The following SHANK1 variants were observed in gnomAD, a reference collection of about 807,000 sequenced individuals.
The protein encoded by SHANK1 is SH3 and multiple ankyrin repeat domains protein 1.
Under a neutral mutation model 165.6 loss-of-function variants are expected in SHANK1, and 35 were observed. The observed-to-expected ratio is 0.21, with a 90% confidence interval of 0.16 to 0.28. The LOEUF (loss-of-function observed/expected upper bound fraction) is 0.28, where lower values mean the gene tolerates loss of function less well. SHANK1 is among the 10% of genes least tolerant of loss of function. SHANK1 has a pLI of 1.00. For synonymous variants in SHANK1, 1,428 were observed against 1,384.8 expected (o/e 1.03, Z -0.69); for missense variants, 2,681 against 3,036.4 (o/e 0.88, Z 2.75).
intron 8 of SHANK1, among the ~76,000 whole-genome samples, chr19:50,705,993 C>T (rs2088934652): frequency 6.6e-6 from 1 of 152,170 alleles, no homozygotes; most frequent in Admixed American, 6.5e-5. Context: ...CCCGTCTGTA[C>T]AGAAAATTTT....
intron 23 of SHANK1, among the ~76,000 whole-genome samples, chr19:50,663,663 G>A (rs1430726941): frequency 1.3e-5 from 2 of 151,288 alleles, no homozygotes; most frequent in Non-Finnish European, 2.9e-5. Context: ...AGGGCACTCT[G>A]CACACATAGG....
chr19:50,662,750 A>C lies in SHANK1; in HGVS notation c.5769-68T>G. 1 of 1,528,716 alleles carries C rather than the reference A, an allele frequency of 6.5e-7. No individual in the cohort carries two copies. Among genetic ancestry groups the C allele is most frequent in the South Asian group, 1.2e-5 (1 of 82,890 alleles). 94.7% of individuals were successfully genotyped at this position (1,528,716 alleles called of 1,614,324 possible). A position where few individuals can be genotyped will look rare whatever the true frequency, so the allele number is the denominator to read the frequency against. ...GGGGGCAAGGGCAGGGGTGAGAAAG[A>C]GGCAGAGGTCAAGATATAGGGAGAG... is the stretch of plus-strand genomic sequence containing the variant. On this transcript the variant is annotated intron_variant, in intron 23 of 23. Coordinates refer to ENST00000293441, the MANE Select transcript of SHANK1 (RefSeq NM_016148.5). This position sits in a 1 kb window ranked among gnomAD's most constrained non-coding sequence, Gnocchi z 7.7.
chr19:50,715,759 G>A, intron 3 of SHANK1, 29 bp from the exon 4 acceptor site: 1 of 1,599,390 alleles, frequency 6.3e-7, no homozygotes. Flanking sequence ...TAGTGAGAGA[G>A]ACACAGAGAC....
chr19:50,703,783 G>A lies in SHANK1; in HGVS notation c.1270C>T (p.Pro424Ser). ...GGGGGCACCGTCAGCCCTGTGCCTGGGGGCCCCCGTCGCCGGGCCGCGTAC... is the reference window on the plus strand; with the variant it reads ...GGGGGCACCGTCAGCCCTGTGCCTGAGGGCCCCCGTCGCCGGGCCGCGTAC... The part of the protein sequence containing the change: ...PKYAARRRGP[P>S]GTGLTVPPAL... The change falls in exon 11 of 24, where the codon CCA becomes TCA. Residue 424 changes from proline (P) to serine (S), a missense_variant. Transcript: ENST00000293441. 7.0e-7 allele frequency: 1 copy of A among 1,429,682 alleles called. No individual in the cohort carries two copies. Among genetic ancestry groups the A allele is most frequent in the Non-Finnish European group, 9.1e-7 (1 of 1,096,488 alleles). The allele number at this position is 1,429,682 out of a possible 1,614,324, so 88.6% of individuals were successfully genotyped here.
At chr19:50,681,236 GA>G (rs1351597754) in intron 21 of SHANK1, among the ~76,000 whole-genome samples, 1 of 152,122 alleles carries the variant, frequency 6.6e-6, no homozygotes, top group African/African-American at 2.4e-5. Flanking sequence ...AAGGAGCAGA[GA>G]AGGCGGCAGA....
chr19:50,669,301 G>C lies in SHANK1; in HGVS notation c.2675-16C>G. On this transcript the variant is annotated splice_polypyrimidine_tract_variant and intron_variant, in intron 22 of 23. Coordinates refer to ENST00000293441, the MANE Select transcript of SHANK1 (RefSeq NM_016148.5). ...TCTGCCGCACCTGGGGAGATACAGAGGCTCAAGGAGGGGGACCCTGGCGGG... is the reference window on the plus strand; with the variant it reads ...TCTGCCGCACCTGGGGAGATACAGACGCTCAAGGAGGGGGACCCTGGCGGG... 1.9e-6 allele frequency: 3 copies of C among 1,580,318 alleles called. No homozygotes were observed. The highest frequency in any genetic ancestry group is 2.6e-6 in the Non-Finnish European group (3 of 1,155,174).
intron 11 of SHANK1, among the ~76,000 whole-genome samples, chr19:50,703,103 ACCCCGGAATGT>A (rs1184033027): frequency 6.7e-6 from 1 of 148,694 alleles, no homozygotes; most frequent in Non-Finnish European, 1.5e-5. Flanking sequence ...GGGCTTCCTG[ACCCCGGAATGT>A]CCCCCGCCCC....
At chr19:50,709,170 G>A (rs555440225) in intron 8 of SHANK1, among the ~76,000 whole-genome samples, 6 of 152,272 alleles carry the variant, frequency 3.9e-5, no homozygotes, top group Non-Finnish European at 8.8e-5. Context: ...ACGGAGTCTC[G>A]CTCTATCACC....
rs1986499089 is a variant in SHANK1 at position 50,690,229 on chromosome 19, G to A, written c.1965-950C>T. 6.6e-6 allele frequency among the ~76,000 whole-genome samples: 1 copy of A among 152,072 alleles called. No individual in the cohort carries two copies. The highest frequency in any genetic ancestry group is 1.5e-5 in the Non-Finnish European group (1 of 68,006). On this transcript the variant is annotated intron_variant, in intron 15 of 23. Coordinates refer to ENST00000293441, the MANE Select transcript of SHANK1 (RefSeq NM_016148.5). This position sits in a 1 kb window ranked among gnomAD's most constrained non-coding sequence, Gnocchi z 4.9. The stretch of plus-strand genomic sequence containing the variant: ...CCATGAATATGGGTGGTAGTTTCCA[G>A]TAAAGCCATCAAATGCCACCAGCAC...
chr19:50,695,956 C>T (rs981775565), intron 15 of SHANK1, among the ~76,000 whole-genome samples: 21 of 152,122 alleles, frequency 1.4e-4, no homozygotes, highest in South Asian at 8.3e-4. Flanking sequence ...GGGGTTGGGC[C>T]CTGGCTGCCG....
At chr19:50,692,269 C>A (rs1270154890) in intron 15 of SHANK1, among the ~76,000 whole-genome samples, 1 of 151,922 alleles carries the variant, frequency 6.6e-6, no homozygotes, top group East Asian at 1.9e-4. Context: ...GAATGCCAGC[C>A]ATGATTCCAA....
In SHANK1 at chr19:50,689,244, T is replaced by C. The variant is rs778094486; in HGVS notation, c.2000A>G (p.Gln667Arg). ...CCCAAACCCCTCACTGTCCTTCTTC[T>C]GCAGCAAGACTGTCTTCTCCTTAAT... ...YIIKEKTVLL[Q>R]KKDSEGFGFV... The change falls in exon 16 of 24, where the codon CAG becomes CGG. Residue 667 changes from glutamine to arginine, a missense_variant. This residue lies in a region of SHANK1 where 147 missense variants were observed against 256.5 expected (regional missense o/e 0.57). Coordinates refer to ENST00000293441, the MANE Select transcript of SHANK1 (RefSeq NM_016148.5). The C allele has an allele frequency of 2.5e-6, 4 of 1,610,414 alleles. No individual in the cohort carries two copies. In the East Asian group the frequency reaches 9.0e-5, roughly 36 times the overall value.
At chr19:50,689,034 G>T in intron 16 of SHANK1, 66 bp from the exon 17 acceptor site, 1 of 1,273,448 alleles carries the variant, frequency 7.9e-7, no homozygotes. Flanking sequence ...AGGGGATGGG[G>T]CTCAGACCCA....
In SHANK1 at chr19:50,661,795, T is replaced by G. The variant is rs1854994575; in HGVS notation, c.*170A>C. 1 of 661,294 alleles carries G rather than the reference T, an allele frequency of 1.5e-6. No individual in the cohort carries two copies. 41.0% of individuals were successfully genotyped at this position (661,294 alleles called of 1,614,324 possible). ...GCCCCCCTTCAGTGAGGTGCAAATG[T>G]CCGGCCTGGATTGGGCCACCTGGTG... On this transcript the variant is annotated 3_prime_UTR_variant, in exon 24 of 24. Transcript: ENST00000293441.
Position 50,662,442 on chromosome 19 carries a change from C to T in SHANK1, c.6009G>A (p.Leu2003=). 1 of 1,552,868 alleles carries T rather than the reference C, an allele frequency of 6.4e-7. No individual in the cohort carries two copies. The highest frequency in any genetic ancestry group is 8.7e-7 in the Non-Finnish European group (1 of 1,149,950). Residue 2003 remains leucine (L), a synonymous_variant, in exon 24 of 24, where the codon CTG becomes CTA. Coordinates refer to ENST00000293441, the MANE Select transcript of SHANK1 (RefSeq NM_016148.5). This position sits in a 1 kb window ranked among gnomAD's most constrained non-coding sequence, Gnocchi z 7.7. ...PLLRRAPSPS[L]LPASEHKVSP... ...TGACCTTGTGCTCCGAGGCGGGCAG[C>T]AGCGAGGGGCTGGGGGCCCGGCGGA... is the stretch of plus-strand genomic sequence containing the variant.
intron 8 of SHANK1, 57 bp downstream of exon 8, chr19:50,711,314 T>C (rs2089006956): frequency 6.6e-6 from 8 of 1,208,008 alleles, no homozygotes; most frequent in Non-Finnish European, 9.6e-6. Flanking sequence ...AGCTTGGCCC[T>C]GGGGGAGGCG....
chr19:50,668,563 TG>T lies in SHANK1; in HGVS notation c.3396del (p.Thr1133ArgfsTer210). The T allele has an allele frequency of 7.4e-7, 1 of 1,345,972 alleles. No homozygotes were observed. The highest frequency in any genetic ancestry group is 9.5e-7 in the Non-Finnish European group (1 of 1,047,574). 83.4% of individuals were successfully genotyped at this position (1,345,972 alleles called of 1,614,324 possible). A position where few individuals can be genotyped will look rare whatever the true frequency, so the allele number is the denominator to read the frequency against. On this transcript the variant is annotated frameshift_variant, in exon 23 of 24. Coordinates refer to ENST00000293441, the MANE Select transcript of SHANK1 (RefSeq NM_016148.5). LOFTEE classifies it high-confidence loss of function. ...GGCGGCTGCGGGGAGGCCGGGGACG[TG>T]GGCGACGGCGCGGGCGGGAGGCCGC... Reference protein sequence around the residue: ...KGGGLPPAPSPTSPASPQPPP... With the variant: ...KGGGLPPAPSXTSPASPQPPP...
At chr19:50,698,545 T>C (rs1361813348) in intron 12 of SHANK1, among the ~76,000 whole-genome samples, 1 of 136,050 alleles carries the variant, frequency 7.4e-6, no homozygotes, top group Non-Finnish European at 1.6e-5. Flanking sequence ...CGCTTCCCCA[T>C]TTAGCAAACA....
chr19:50,695,441 G>C (rs1986707906), intron 15 of SHANK1, among the ~76,000 whole-genome samples: 2 of 146,156 alleles, frequency 1.4e-5, no homozygotes, highest in South Asian at 4.3e-4. Context: ...GAACGCGGGG[G>C]CCCCCTTGGC....
Sources: allele counts gnomAD v4.1 joint callset (sites outside exome capture counted in the v4.1 genomes callset), GRCh38; gene constraint gnomAD v4.1.1; regional missense constraint gnomAD v4.1.1; non-coding constraint Gnocchi (gnomAD v3.1); transcripts MANE v1.5; gene names NCBI Gene and HGNC (gene_info 2026-07-23, HGNC 2026-07-21).